The following ZSCAN1 variants were observed in gnomAD, a reference collection of about 807,000 sequenced individuals.
ZSCAN1 encodes zinc finger and SCAN domain containing 1, also known as zinc finger and SCAN domain-containing protein 1.
Under a neutral mutation model 23.8 loss-of-function variants are expected in ZSCAN1, and 23 were observed. That is an observed-to-expected ratio of 0.97 (90% CI 0.70 to 1.37). The LOEUF is 1.37. Among genes scored for constraint, ZSCAN1 ranks in the 40% most tolerant of loss-of-function variants. The pLI is 0.00. For synonymous variants in ZSCAN1, 236 were observed against 232.3 expected (o/e 1.02, Z -0.15); for missense variants, 575 against 554.0 (o/e 1.04, Z -0.38).
Position 58,054,237 on chromosome 19 carries a change from T to G in ZSCAN1, c.*186T>G. 2 of 714,462 alleles carry G rather than the reference T, an allele frequency of 2.8e-6. No individual in the cohort carries two copies. The highest frequency in any genetic ancestry group is 2.5e-5 in the South Asian group (1 of 39,802). The allele number at this position is 714,462 out of a possible 1,614,324, so 44.3% of individuals were successfully genotyped here. On this transcript the variant is annotated 3_prime_UTR_variant, in exon 6 of 6. Transcript: ENST00000282326. The surrounding 1 kb of genome is among the most constrained non-coding windows in gnomAD (Gnocchi z 4.2). ...TCCGAAGCCAAGCACGGGATGGGGC[T>G]TCCCAGGGTCTCAGCTGAGAAGCAG...
chr19:58,055,628 C>G (rs190790710), downstream of ZSCAN1, among the ~76,000 whole-genome samples: 5 of 152,210 alleles, frequency 3.3e-5, no homozygotes, highest in African/African-American at 9.6e-5. Context: ...TTCTCTCAGG[C>G]GCAGATTGAT....
intron 3 of ZSCAN1, 32 bp downstream of exon 3, chr19:58,038,238 G>C (rs1483673918): frequency 3.8e-6 from 6 of 1,575,196 alleles, no homozygotes; most frequent in Non-Finnish European, 5.1e-6. Context: ...CCCCGGGCCG[G>C]GCCAGGGGGC....
intron 4 of ZSCAN1, 151 bp from the exon 5 acceptor site, chr19:58,052,339 T>C (rs2073862245): frequency 7.5e-7 from 1 of 1,324,820 alleles, no homozygotes; most frequent in Non-Finnish European, 1.0e-6. Context: ...AGCATCAGCA[T>C]CCCAAAGCAC....
chr19:58,052,085 AAC>A (rs2073861237), intron 4 of ZSCAN1, among the ~76,000 whole-genome samples: 1 of 152,248 alleles, frequency 6.6e-6, no homozygotes. Context: ...CCCAGCTTGT[AAC>A]AGTGACCCGA....
chr19:58,044,487 C>A lies in ZSCAN1; in HGVS notation c.465+3943C>A, dbSNP rs557140252. 423 of 386,206 alleles carry A rather than the reference C, an allele frequency of 1.1e-3. 5 individuals are homozygous for A. Among genetic ancestry groups the A allele is most frequent in the African/African-American group, 8.0e-3 (364 of 45,406 alleles). The allele number at this position is 386,206 out of a possible 1,614,324, so 23.9% of individuals were successfully genotyped here. A position where few individuals can be genotyped will look rare whatever the true frequency, so the allele number is the denominator to read the frequency against. Reference sequence around the variant, plus strand: ...CGCTGCCGTCAACCGTCCGCACGGACGGCGCCTGAGGAGCCACCGAGACGG... The same window carrying A: ...CGCTGCCGTCAACCGTCCGCACGGAAGGCGCCTGAGGAGCCACCGAGACGG... On this transcript the variant is annotated intron_variant, in intron 4 of 5. Coordinates refer to ENST00000282326, the MANE Select transcript of ZSCAN1 (RefSeq NM_182572.4).
At position 58,053,664 on chromosome 19, in the gene ZSCAN1, G is replaced by C. The variant is rs377585624; in HGVS notation, c.840G>C (p.Ser280=). 38 of 1,614,060 alleles carry C rather than the reference G, an allele frequency of 2.4e-5. No individual in the cohort carries two copies. Among genetic ancestry groups the C allele is most frequent in the African/African-American group, 8.0e-5 (6 of 74,924 alleles). ...GGTQEAVAGI[S]VVPRGPRGGR... ...CCCAAGAGGCTGTTGCAGGCATCTC[G>C]GTAGTGCCGCGTGGGCCCCGAGGTG... The change falls in exon 6 of 6, where the codon TCG becomes TCC. Residue 280 remains serine (S), a synonymous_variant. Transcript: ENST00000282326. This position sits in a 1 kb window ranked among gnomAD's most constrained non-coding sequence, Gnocchi z 5.8.
intron 4 of ZSCAN1, among the ~76,000 whole-genome samples, chr19:58,044,356 T>C (rs1001785709): frequency 6.6e-6 from 1 of 151,980 alleles, no homozygotes; most frequent in Non-Finnish European, 1.5e-5. Flanking sequence ...GGTTATGCTC[T>C]GGGGGCAGCA....
Position 58,037,773 on chromosome 19 carries a change from G to A in ZSCAN1, c.-64G>A, listed in dbSNP as rs1227075883. ...TCCGCCTGCCACACCGGCTCTGTCCGGAGCCACTGGGACTCGGGATCCAGT... is the reference window on the plus strand; with the variant it reads ...TCCGCCTGCCACACCGGCTCTGTCCAGAGCCACTGGGACTCGGGATCCAGT... On this transcript the variant is annotated 5_prime_UTR_variant, in exon 3 of 6. Transcript: ENST00000282326. 8.4e-6 allele frequency: 12 copies of A among 1,429,842 alleles called. No homozygotes were observed. Among genetic ancestry groups the A allele is most frequent in the South Asian group, 3.0e-5 (2 of 67,120 alleles). 88.6% of individuals were successfully genotyped at this position (1,429,842 alleles called of 1,614,324 possible).
rs369676796 is a variant in ZSCAN1, at chr19:58,034,686, C to A, written c.-152+525C>A. On this transcript the variant is annotated intron_variant, in intron 1 of 5. Transcript: ENST00000282326. ...CCGTCTCTCTCCCTACAAGCTCCCC[C>A]TCCCCGCCCCAGGCCCATCTCCCTC... Among the ~76,000 whole-genome samples, 7 of 138,810 alleles carry A rather than the reference C, an allele frequency of 5.0e-5. No homozygotes were observed. In the East Asian group the frequency reaches 1.6e-3, roughly 31 times the overall value. 91.1% of individuals were successfully genotyped at this position (138,810 alleles called of 152,430 possible). A position where few individuals can be genotyped will look rare whatever the true frequency, so the allele number is the denominator to read the frequency against.
downstream of ZSCAN1, among the ~76,000 whole-genome samples, chr19:58,056,164 C>T (rs2073888418): frequency 6.6e-6 from 1 of 152,196 alleles, no homozygotes; most frequent in Non-Finnish European, 1.5e-5. Flanking sequence ...TCCCTCTGCC[C>T]CATCCCCATC....
rs1245687555 is a variant in ZSCAN1 at position 58,045,740 on chromosome 19, A to G, written c.465+5196A>G. 6 of 1,309,450 alleles carry G rather than the reference A, an allele frequency of 4.6e-6. No individual in the cohort carries two copies. Among genetic ancestry groups the G allele is most frequent in the Non-Finnish European group, 6.6e-6 (6 of 903,856 alleles). The allele number at this position is 1,309,450 out of a possible 1,614,324, so 81.1% of individuals were successfully genotyped here. A position where few individuals can be genotyped will look rare whatever the true frequency, so the allele number is the denominator to read the frequency against. ...ATGCGGGCCCTGGGCGTCAGGGAAA[A>G]CCACCTGAGGGGCCAGCTGAAGCAG... On this transcript the variant is annotated intron_variant, in intron 4 of 5. Transcript: ENST00000282326. The surrounding 1 kb of genome is among the most constrained non-coding windows in gnomAD (Gnocchi z 4.3).
At chr19:58,056,440 C>T (rs998990003), downstream of ZSCAN1, among the ~76,000 whole-genome samples, 4 of 152,224 alleles carry the variant, frequency 2.6e-5, no homozygotes, top group African/African-American at 9.6e-5. Context: ...GGATGAGTGA[C>T]TCAATGAGTG....
At chr19:58,046,089 C>G (rs1419503257) in intron 4 of ZSCAN1, 1 of 682,886 alleles carries the variant, frequency 1.5e-6, no homozygotes, top group African/African-American at 1.8e-5. Context: ...GGCCAGGGGC[C>G]CAGCCCCAGC....
At chr19:58,034,251 G>T (rs1599896250) in intron 1 of ZSCAN1, 90 bp downstream of exon 1, 1 of 151,290 alleles carries the variant, frequency 6.6e-6, no homozygotes, top group African/African-American at 2.4e-5. Context: ...GCGTCGGCGG[G>T]AGCTGGCCCG....
chr19:58,054,197 A>C lies in ZSCAN1; in HGVS notation c.*146A>C, dbSNP rs2073878391. 4 of 1,116,600 alleles carry C rather than the reference A, an allele frequency of 3.6e-6. No homozygotes were observed. The highest frequency in any genetic ancestry group is 4.9e-6 in the Non-Finnish European group (4 of 819,880). The allele number at this position is 1,116,600 out of a possible 1,614,324, so 69.2% of individuals were successfully genotyped here. On this transcript the variant is annotated 3_prime_UTR_variant, in exon 6 of 6. Coordinates refer to ENST00000282326, the MANE Select transcript of ZSCAN1 (RefSeq NM_182572.4). The surrounding 1 kb of genome is among the most constrained non-coding windows in gnomAD (Gnocchi z 4.2). ...AAGGACACAAGCTGTTTCTCGGAAGACCCTGGACACCTGCTCCGAAGCCAA... is the reference window on the plus strand; with the variant it reads ...AAGGACACAAGCTGTTTCTCGGAAGCCCCTGGACACCTGCTCCGAAGCCAA...
rs2073857317 is a variant in ZSCAN1, at chr19:58,051,296, T to C, written c.466-1194T>C. On this transcript the variant is annotated intron_variant, in intron 4 of 5. Coordinates refer to ENST00000282326, the MANE Select transcript of ZSCAN1 (RefSeq NM_182572.4). ...AAAGGGAGTCCCGCCTTTACTCCTATAGATGGTGGCTCCTCTGGTTACGAT... is the reference window on the plus strand; with the variant it reads ...AAAGGGAGTCCCGCCTTTACTCCTACAGATGGTGGCTCCTCTGGTTACGAT... Among the ~76,000 whole-genome samples the C allele has an allele frequency of 2.0e-5, 3 of 152,074 alleles. No individual in the cohort carries two copies. The South Asian group carries it at 6.2e-4, about 32-fold the overall frequency.
At chr19:58,046,829 A>G in intron 4 of ZSCAN1, 1 of 709,026 alleles carries the variant, frequency 1.4e-6, no homozygotes, top group Non-Finnish European at 2.6e-6. Flanking sequence ...GGGCTGTGAG[A>G]GCGATTTGCG....
chr19:58,038,302 C>T lies in ZSCAN1; in HGVS notation c.370+96C>T, dbSNP rs961377554. The T allele has an allele frequency of 1.8e-5, 27 of 1,475,074 alleles. No homozygotes were observed. The African/African-American group carries it at 3.5e-4, about 19-fold the overall frequency. The allele number at this position is 1,475,074 out of a possible 1,614,324, so 91.4% of individuals were successfully genotyped here. A position where few individuals can be genotyped will look rare whatever the true frequency, so the allele number is the denominator to read the frequency against. The stretch of plus-strand genomic sequence containing the variant: ...CCTTCCCGCCCACATCGCTCCCACC[C>T]CTGCCCGGCCCCTCCCGACCAGCAA... On this transcript the variant is annotated intron_variant, in intron 3 of 5. Transcript: ENST00000282326.
At chr19:58,042,938 C>G (rs1359818298) in intron 4 of ZSCAN1, among the ~76,000 whole-genome samples, 2 of 152,262 alleles carry the variant, frequency 1.3e-5, no homozygotes, top group Non-Finnish European at 2.9e-5. Flanking sequence ...CCCAACGTCC[C>G]TGAGCGAGCT....
Sources: allele counts gnomAD v4.1 joint callset (sites outside exome capture counted in the v4.1 genomes callset), GRCh38; gene constraint gnomAD v4.1.1; non-coding constraint Gnocchi (gnomAD v3.1); transcripts MANE v1.5; gene names NCBI Gene and HGNC (gene_info 2026-07-23, HGNC 2026-07-21).